Variants in DLD observed in about 807,000 individuals in gnomAD.
DLD encodes the protein dihydrolipoamide dehydrogenase.
In DLD, 36 loss-of-function variants were observed where a neutral mutation model predicts 62.2. The ratio of observed to expected loss-of-function variants is 0.58; its 90% CI spans 0.44 to 0.76. DLD has a LOEUF of 0.76. DLD is among the 30% of genes least tolerant of loss of function. The pLI is 0.00. For missense variants in DLD, 541 were observed against 608.6 expected, an observed-to-expected ratio of 0.89 and a Z score of 1.17; for synonymous variants, 204 against 199.6, an observed-to-expected ratio of 1.02 and a Z score of -0.19.
intron 2 of DLD, among the ~76,000 whole-genome samples, chr7:107,893,786 G>A (rs2031649873): frequency 1.3e-5 from 2 of 152,164 alleles, no homozygotes; most frequent in East Asian, 1.9e-4. Flanking sequence ...AAGTCGGAGA[G>A]GTAGGCAGGA....
At chr7:107,893,101 T>G in intron 1 of DLD, 99 bp from the exon 2 acceptor site, 1 of 840,486 alleles carries the variant, frequency 1.2e-6, no homozygotes, top group Non-Finnish European at 2.0e-6. Flanking sequence ...TAATCCTCGC[T>G]TGATACGTTT....
At chr7:107,917,205 T>C (rs959705709) in intron 10 of DLD, 68 bp from the exon 11 acceptor site, 133 of 1,576,806 alleles carry the variant, frequency 8.4e-5, no homozygotes, top group Middle Eastern at 1.7e-4. Flanking sequence ...TTTGTTACCA[T>C]AATGTAACTG....
chr7:107,898,719 C>G (rs2031799735), intron 2 of DLD, among the ~76,000 whole-genome samples: 1 of 150,750 alleles, frequency 6.6e-6, no homozygotes, highest in Non-Finnish European at 1.5e-5. Context: ...GCCTCCCCAG[C>G]AGCTGGGACT....
chr7:107,901,491 G>T (rs903602130), intron 2 of DLD, among the ~76,000 whole-genome samples: 26 of 152,246 alleles, frequency 1.7e-4, no homozygotes, highest in African/African-American at 6.3e-4. Context: ...ACAGAACTCA[G>T]TTGTGTTTCT....
chr7:107,913,538 C>G (rs2116255825), intron 8 of DLD, among the ~76,000 whole-genome samples: 1 of 151,200 alleles, frequency 6.6e-6, no homozygotes, highest in Admixed American at 6.6e-5. Context: ...AGATTGTCCA[C>G]TGTTGGTGTA....
chr7:107,914,978 G>A (rs1429678894), intron 8 of DLD, among the ~76,000 whole-genome samples: 1 of 152,058 alleles, frequency 6.6e-6, no homozygotes, highest in Non-Finnish European at 1.5e-5. Flanking sequence ...CAAGACTTTT[G>A]TACTTGCTGT....
At chr7:107,901,412 T>C (rs934145349) in intron 2 of DLD, among the ~76,000 whole-genome samples, 1 of 152,156 alleles carries the variant, frequency 6.6e-6, no homozygotes, top group African/African-American at 2.4e-5. Flanking sequence ...TGTCTTCCAG[T>C]ATCACTAAAT....
At chr7:107,906,237 T>G (rs1482407403) in intron 7 of DLD, 30 bp from the exon 8 acceptor site, 6 of 1,428,678 alleles carry the variant, frequency 4.2e-6, no homozygotes, top group Non-Finnish European at 5.9e-6. Flanking sequence ...TTTCAAATTA[T>G]TTTGATTATA....
chr7:107,904,929 G>A (rs367813770), intron 5 of DLD, 29 bp from the exon 6 acceptor site: 73 of 1,536,774 alleles, frequency 4.8e-5, no homozygotes, highest in Non-Finnish European at 4.1e-5. Flanking sequence ...ATTTAGCTAA[G>A]AACTAAAGAT....
At chr7:107,898,504 C>T (rs2031792331) in intron 2 of DLD, among the ~76,000 whole-genome samples, 1 of 151,610 alleles carries the variant, frequency 6.6e-6, no homozygotes, top group African/African-American at 2.4e-5. Context: ...TGGTCTCAAA[C>T]TCCTGACCTC....
chr7:107,916,671 AAAAAC>A, intron 9 of DLD, 118 bp from the exon 10 acceptor site: 8 of 1,114,582 alleles, frequency 7.2e-6, no homozygotes, highest in Non-Finnish European at 1.1e-5. Flanking sequence ...ACTCTGTCTC[AAAAAC>A]AAAACAAAAC....
At chr7:107,913,288 A>G (rs553622695) in intron 8 of DLD, among the ~76,000 whole-genome samples, 11 of 151,990 alleles carry the variant, frequency 7.2e-5, no homozygotes, top group African/African-American at 2.6e-4. Context: ...TATCATTGGT[A>G]GTTTAGTAGG....
chr7:107,914,420 T>G (rs190961451), intron 8 of DLD, among the ~76,000 whole-genome samples: 4,540 of 151,334 alleles, frequency 0.03, 255 homozygotes, highest in African/African-American at 0.11. Flanking sequence ...GTGCTGTTGG[T>G]GTTACATCAA....
intron 3 of DLD, 126 bp from the exon 4 acceptor site, chr7:107,902,198 AT>A: frequency 6.2e-6 from 2 of 324,306 alleles, no homozygotes; most frequent in Non-Finnish European, 1.2e-5. Context: ...AGGACTATAT[AT>A]TTTAGTCTGT....
chr7:107,916,770 A>G (rs1196360080), intron 9 of DLD, 24 bp from the exon 10 acceptor site: 5 of 1,608,310 alleles, frequency 3.1e-6, no homozygotes, highest in East Asian at 2.2e-5. Flanking sequence ...TGTATTTAAC[A>G]TTTATACACT....
rs370870350 is a variant in DLD at position 107,906,857 on chromosome 7, A to G, written c.684+489A>G. Among the ~76,000 whole-genome samples the G allele has an allele frequency of 5.3e-5, 8 of 152,182 alleles. No individual in the cohort carries two copies. In the East Asian group the frequency reaches 5.8e-4, roughly 11 times the overall value. The stretch of plus-strand genomic sequence containing the variant: ...TCTGCCTTGTTCTCCCTTCTTGTCC[A>G]TCTGGCAGCTTTCCACACATTTCCA... On this transcript the variant is annotated intron_variant, in intron 8 of 13. Coordinates refer to ENST00000205402, the MANE Select transcript of DLD (RefSeq NM_000108.5).
At chr7:107,893,831 G>A (rs1359134837) in intron 2 of DLD, among the ~76,000 whole-genome samples, 4 of 152,214 alleles carry the variant, frequency 2.6e-5, no homozygotes, top group African/African-American at 9.6e-5. Flanking sequence ...GGCAGGTCTA[G>A]TAGTTTGGAT....
chr7:107,917,808 C>A, intron 11 of DLD, 116 bp from the exon 12 acceptor site: 1 of 1,354,292 alleles, frequency 7.4e-7, no homozygotes, highest in Non-Finnish European at 1.0e-6. Context: ...CTTCTATGTG[C>A]TTTGCGAACA....
chr7:107,914,783 ATTGT>A (rs1327278125), intron 8 of DLD, among the ~76,000 whole-genome samples: 3 of 152,192 alleles, frequency 2.0e-5, no homozygotes, highest in Non-Finnish European at 2.9e-5. Flanking sequence ...CCAGTTATGT[ATTGT>A]TTAATATATA....
Sources: gnomAD v4.1 joint callset for allele counts (sites outside exome capture counted in the v4.1 genomes callset) on GRCh38, gnomAD v4.1.1 for gene constraint, MANE v1.5 for transcripts, NCBI Gene and HGNC (gene_info 2026-07-23, HGNC 2026-07-21) for gene names.